Variants in CDC42EP4 observed in about 807,000 individuals in gnomAD.
CDC42EP4 encodes the protein CDC42 effector protein (Rho GTPase binding) 4.
CDC42EP4 carries 6 observed loss-of-function variants against 5.6 expected under a neutral mutation model. The ratio of observed to expected loss-of-function variants is 1.07; its 90% CI spans 0.59 to 2.12. CDC42EP4 has a LOEUF of 2.12. CDC42EP4 is among the 30% of genes most tolerant of loss of function. CDC42EP4 has a pLI of 0.00. For synonymous variants in CDC42EP4, 230 were observed against 224.2 expected, an observed-to-expected ratio of 1.03 and a Z score of -0.23; for missense variants, 490 against 508.6, an observed-to-expected ratio of 0.96 and a Z score of 0.35.
In CDC42EP4 at chr17:73,299,281, T is replaced by A. The variant is rs547586058; in HGVS notation, c.-113+12612A>T. Among the ~76,000 whole-genome samples, 3 of 150,652 alleles carry A rather than the reference T, an allele frequency of 2.0e-5. No individual in the cohort carries two copies. The South Asian group carries it at 6.3e-4, about 32-fold the overall frequency. ...TACTAAAAATATTTAAAAAAAAAAA[T>A]TAGCCAGGCGTGGTGGTGGGCGCCT... On this transcript the variant is annotated intron_variant, in intron 1 of 1. Coordinates refer to ENST00000335793, the MANE Select transcript of CDC42EP4 (RefSeq NM_012121.5).
In CDC42EP4 at chr17:73,286,352, G is replaced by GTGTCC; in HGVS notation, c.144_148dup (p.Thr50ArgfsTer45). 6.2e-7 allele frequency: 1 copy of GTGTCC among 1,614,166 alleles called. No individual in the cohort carries two copies. Among genetic ancestry groups the GTGTCC allele is most frequent in the Non-Finnish European group, 8.5e-7 (1 of 1,180,044 alleles). ...GCCAGCCTTGCTATTGAGGAAGGAGGTGTCCCCAAAGGCGTCTCCGGCCCG... is the reference window on the plus strand; with the variant it reads ...GCCAGCCTTGCTATTGAGGAAGGAGGTGTCCTGTCCCCAAAGGCGTCTCCGGCCCG... On this transcript the variant is annotated frameshift_variant, in exon 2 of 2. Coordinates refer to ENST00000335793, the MANE Select transcript of CDC42EP4 (RefSeq NM_012121.5). LOFTEE classifies it low-confidence loss of function (END_TRUNC). The surrounding 1 kb of genome is among the most constrained non-coding windows in gnomAD (Gnocchi z 7.7).
chr17:73,303,872 A>T (rs2062231833), intron 1 of CDC42EP4, among the ~76,000 whole-genome samples: 1 of 152,178 alleles, frequency 6.6e-6, no homozygotes, highest in Non-Finnish European at 1.5e-5. Context: ...CTTACAGTTT[A>T]TGGGAAAATG....
chr17:73,286,273 G>A lies in CDC42EP4; in HGVS notation c.228C>T (p.Arg76=). ...DEQPSSSSSK[R]SLLSRKFRGS... is the part of the protein sequence containing the mutation. ...CCCGGAACTTCCTGGACAGGAGACT[G>A]CGTTTGGAAGATGAAGAAGAGGGCT... The change falls in exon 2 of 2, where the codon CGC becomes CGT. Residue 76 remains arginine (R), a synonymous_variant. Transcript: ENST00000335793. The surrounding 1 kb of genome is among the most constrained non-coding windows in gnomAD (Gnocchi z 7.7). The A allele has an allele frequency of 6.2e-7, 1 of 1,614,258 alleles. No individual in the cohort carries two copies. The highest frequency in any genetic ancestry group is 8.5e-7 in the Non-Finnish European group (1 of 1,180,050).
intron 1 of CDC42EP4, among the ~76,000 whole-genome samples, chr17:73,299,443 ATACACACACACACACAC>A (rs1429545608): frequency 1.8e-5 from 2 of 113,480 alleles, no homozygotes; most frequent in East Asian, 5.1e-4. Flanking sequence ...AAAAAAAAAA[ATACACACACACACACAC>A]ACACACACAC....
intron 1 of CDC42EP4, chr17:73,307,312 T>C (rs527336004): frequency 1.3e-5 from 2 of 152,358 alleles, no homozygotes; most frequent in African/African-American, 4.8e-5. Context: ...AAGCTGGCAG[T>C]GCCTGGGGGA....
chr17:73,289,671 C>T (rs976025940), intron 1 of CDC42EP4, among the ~76,000 whole-genome samples: 4 of 131,964 alleles, frequency 3.0e-5, no homozygotes, highest in Admixed American at 1.8e-4. Flanking sequence ...CATATATGAC[C>T]CTCTTGGCCA....
chr17:73,295,271 G>A (rs1301754752), intron 1 of CDC42EP4, among the ~76,000 whole-genome samples: 1 of 152,134 alleles, frequency 6.6e-6, no homozygotes, highest in African/African-American at 2.4e-5. Flanking sequence ...CTTGCCAAAG[G>A]CCACAGAACT....
rs761821374 is a variant in CDC42EP4, at chr17:73,286,455, G to T, written c.46C>A (p.Arg16Ser). The T allele has an allele frequency of 2.5e-6, 4 of 1,609,690 alleles. No homozygotes were observed. The highest frequency in any genetic ancestry group is 4.5e-5 in the East Asian group (2 of 44,786). Residue 16 changes from arginine to serine, a missense_variant, in exon 2 of 2, where the codon CGC (arginine) becomes AGC (serine). Physicochemically the swap from Arg to Ser is moderately radical, Grantham distance 110 (BLOSUM62 -1). Coordinates refer to ENST00000335793, the MANE Select transcript of CDC42EP4 (RefSeq NM_012121.5). This position sits in a 1 kb window ranked among gnomAD's most constrained non-coding sequence, Gnocchi z 7.7. The stretch of plus-strand genomic sequence containing the variant: ...GCCGTGAGGTCCGCTCGGGAACGGC[G>T]CTTGGAGTGCACCGAGCTGGACACC... ...QLVSSSVHSK[R>S]RSRADLTAEM...
At chr17:73,292,904 G>T (rs2062168215) in intron 1 of CDC42EP4, among the ~76,000 whole-genome samples, 1 of 152,200 alleles carries the variant, frequency 6.6e-6, no homozygotes, top group Non-Finnish European at 1.5e-5. Context: ...TTTTTGGAGA[G>T]ACCAGGTTTC....
chr17:73,286,437 G>A lies in CDC42EP4; in HGVS notation c.64C>T (p.Leu22Phe). 1.2e-6 allele frequency: 2 copies of A among 1,612,776 alleles called. No homozygotes were observed. The highest frequency in any genetic ancestry group is 1.7e-6 in the Non-Finnish European group (2 of 1,179,154). Residue 22 changes from leucine to phenylalanine, a missense_variant, in exon 2 of 2, where the codon CTC (leucine) becomes TTC (phenylalanine). Transcript: ENST00000335793. This position sits in a 1 kb window ranked among gnomAD's most constrained non-coding sequence, Gnocchi z 7.7. ...VHSKRRSRAD[L>F]TAEMISAPLG... Reference sequence around the variant, plus strand: ...GGGGCGCTGATCATCTCGGCCGTGAGGTCCGCTCGGGAACGGCGCTTGGAG... The same window carrying A: ...GGGGCGCTGATCATCTCGGCCGTGAAGTCCGCTCGGGAACGGCGCTTGGAG...
In CDC42EP4 at chr17:73,285,195, A is replaced by T; in HGVS notation, c.*235T>A. The T allele has an allele frequency of 2.5e-6, 1 of 394,670 alleles. No individual in the cohort carries two copies. The highest frequency in any genetic ancestry group is 3.8e-5 in the East Asian group (1 of 26,622). The allele number at this position is 394,670 out of a possible 1,614,324, so 24.4% of individuals were successfully genotyped here. Reference sequence around the variant, plus strand: ...TGACAACACAGCCCTTGTCCCACGCAGCCTAAGTGCAGGGAGCATGATGAA... The same window carrying T: ...TGACAACACAGCCCTTGTCCCACGCTGCCTAAGTGCAGGGAGCATGATGAA... On this transcript the variant is annotated 3_prime_UTR_variant, in exon 2 of 2. Transcript: ENST00000335793. The surrounding 1 kb of genome is among the most constrained non-coding windows in gnomAD (Gnocchi z 6.8).
intron 1 of CDC42EP4, among the ~76,000 whole-genome samples, chr17:73,307,758 C>CTTTT (rs1248336012): frequency 1.0e-3 from 114 of 110,974 alleles, no homozygotes; most frequent in East Asian, 4.7e-3. Context: ...CTGAATTTCT[C>CTTTT]TCTTTTTTTT....
chr17:73,301,772 TCTC>T (rs1361526904), intron 1 of CDC42EP4, among the ~76,000 whole-genome samples: 3 of 148,240 alleles, frequency 2.0e-5, no homozygotes, highest in Admixed American at 6.8e-5. Context: ...AGTGGTATCA[TCTC>T]AGCTCACTGC....
chr17:73,290,354 C>G (rs1284630059), intron 1 of CDC42EP4, among the ~76,000 whole-genome samples: 1 of 152,232 alleles, frequency 6.6e-6, no homozygotes, highest in Admixed American at 6.5e-5. Context: ...CTCCTCCCCA[C>G]TGCTGGCCGG....
Position 73,291,382 on chromosome 17 carries a change from C to G in CDC42EP4, c.-112-4770G>C, listed in dbSNP as rs1747379176. ...TCTGGAGCTCAGACTAGACAGGCCA[C>G]CCAGCAGGATTGAGGGTCAGCAACA... On this transcript the variant is annotated intron_variant, in intron 1 of 1. Coordinates refer to ENST00000335793, the MANE Select transcript of CDC42EP4 (RefSeq NM_012121.5). Among the ~76,000 whole-genome samples the G allele has an allele frequency of 2.0e-5, 3 of 152,300 alleles. No homozygotes were observed. The South Asian group carries it at 6.2e-4, about 32-fold the overall frequency.
chr17:73,292,590 T>C (rs747110656), intron 1 of CDC42EP4, among the ~76,000 whole-genome samples: 2 of 151,884 alleles, frequency 1.3e-5, no homozygotes, highest in Non-Finnish European at 2.9e-5. Flanking sequence ...AAAGGGGTGG[T>C]ATGAGTGGGT....
At chr17:73,306,235 A>C (rs1432080720) in intron 1 of CDC42EP4, among the ~76,000 whole-genome samples, 1 of 152,006 alleles carries the variant, frequency 6.6e-6, no homozygotes, top group African/African-American at 2.4e-5. Context: ...CATGCCTGAA[A>C]TCTCAGCACA....
intron 1 of CDC42EP4, among the ~76,000 whole-genome samples, chr17:73,306,365 G>A (rs2062244177): frequency 6.6e-6 from 1 of 151,700 alleles, no homozygotes; most frequent in Non-Finnish European, 1.5e-5. Flanking sequence ...AGCCAGGCAT[G>A]GCGGCACACG....
Position 73,285,843 on chromosome 17 carries a change from C to T in CDC42EP4, c.658G>A (p.Asp220Asn). The T allele has an allele frequency of 2.5e-6, 4 of 1,613,878 alleles. No individual in the cohort carries two copies. Among genetic ancestry groups the T allele is most frequent in the Non-Finnish European group, 3.4e-6 (4 of 1,179,832 alleles). The change falls in exon 2 of 2, where the codon GAC becomes AAC. Residue 220 changes from aspartate to asparagine, a missense_variant. Transcript: ENST00000335793. This position sits in a 1 kb window ranked among gnomAD's most constrained non-coding sequence, Gnocchi z 6.8. ...TCCTTGTCCATGATGCTGAGGACGT[C>T]ACCCAGCATGGAGGGCCCCAGGTCG... is the stretch of plus-strand genomic sequence containing the variant. Reference protein sequence around the residue: ...HIDLGPSMLGDVLSIMDKEEW... With the variant: ...HIDLGPSMLGNVLSIMDKEEW...
Sources: gnomAD v4.1 joint callset for allele counts (sites outside exome capture counted in the v4.1 genomes callset) on GRCh38, gnomAD v4.1.1 for gene constraint, Gnocchi (gnomAD v3.1) non-coding constraint, MANE v1.5 for transcripts, NCBI Gene and HGNC (gene_info 2026-07-23, HGNC 2026-07-21) for gene names.